Variants in TMEM175 observed in about 807,000 individuals in gnomAD.
TMEM175 encodes the protein endosomal/lysosomal proton channel TMEM175.
TMEM175 carries 36 observed loss-of-function variants against 36.5 expected under a neutral mutation model. That is an observed-to-expected ratio of 0.99 (90% CI 0.76 to 1.30). TMEM175 has a LOEUF of 1.30. Ranked by LOEUF, TMEM175 falls within the 50% of genes most tolerant of loss-of-function variation. The pLI is 0.00. For missense variants in TMEM175, 705 were observed against 692.8 expected (o/e 1.02, Z -0.20); for synonymous variants, 339 against 313.4 (o/e 1.08, Z -0.86).
chr4:939,347 G>A (rs1727158550), intron 1 of TMEM175, among the ~76,000 whole-genome samples: 1 of 152,026 alleles, frequency 6.6e-6, no homozygotes, highest in Non-Finnish European at 1.5e-5. Context: ...TTGGGAGGCT[G>A]AGGCGGGCAG....
chr4:957,725 T>C (rs546644996), intron 10 of TMEM175, 99 bp from the exon 11 acceptor site: 1 of 1,222,752 alleles, frequency 8.2e-7, no homozygotes, highest in Non-Finnish European at 1.2e-6. Flanking sequence ...TCTGAAAACG[T>C]GCCAGATCCA....
chr4:937,385 GA>G (rs1726915495), intron 1 of TMEM175, among the ~76,000 whole-genome samples: 1 of 152,038 alleles, frequency 6.6e-6, no homozygotes. Context: ...CCAACATGGT[GA>G]AACCTCATTT....
intron 1 of TMEM175, among the ~76,000 whole-genome samples, chr4:941,168 G>T (rs1727430181): frequency 6.6e-6 from 1 of 150,604 alleles, no homozygotes; most frequent in Admixed American, 6.6e-5. Context: ...ACGAGGTCAG[G>T]AGTTCAAGAC....
At chr4:942,636 CTT>C (rs879382397) in intron 1 of TMEM175, among the ~76,000 whole-genome samples, 2 of 137,688 alleles carry the variant, frequency 1.5e-5, no homozygotes, top group African/African-American at 5.3e-5. Context: ...CTTGAATTTT[CTT>C]TTTTTTTTTT....
At chr4:954,654 C>T (rs1488696067) in intron 8 of TMEM175, among the ~76,000 whole-genome samples, 2 of 152,074 alleles carry the variant, frequency 1.3e-5, no homozygotes, top group Non-Finnish European at 2.9e-5. Context: ...GTGTGTGTGC[C>T]CACAGTGAGT....
rs1157981582 is a variant in TMEM175, at chr4:953,340, T to TC, written c.613_614insC (p.Phe205SerfsTer47). 6.2e-7 allele frequency: 1 copy of TC among 1,612,448 alleles called. No homozygotes were observed. Among genetic ancestry groups the TC allele is most frequent in the Non-Finnish European group, 8.5e-7 (1 of 1,179,206 alleles). On this transcript the variant is annotated frameshift_variant, in exon 8 of 11. Transcript: ENST00000264771. LOFTEE classifies it high-confidence loss of function. ...CTTTGCAGCGGCCATCTTCTCTCTC[T>TC]TCTTTGTCCCCTTGGTGAGTGCTGG...
chr4:939,452 A>G (rs924840001), intron 1 of TMEM175, among the ~76,000 whole-genome samples: 1 of 151,594 alleles, frequency 6.6e-6, no homozygotes, highest in African/African-American at 2.4e-5. Context: ...GCAATGGCTC[A>G]CGCCTGTAAT....
intron 1 of TMEM175, among the ~76,000 whole-genome samples, chr4:947,341 C>T (rs1728311577): frequency 6.6e-6 from 1 of 152,102 alleles, no homozygotes; most frequent in Non-Finnish European, 1.5e-5. Context: ...CCCAGGCACG[C>T]ATGCACGGTC....
intron 1 of TMEM175, among the ~76,000 whole-genome samples, chr4:941,014 A>AATAATAAT (rs1727394498): frequency 1.1e-5 from 1 of 89,254 alleles, no homozygotes; most frequent in African/African-American, 3.6e-5. Flanking sequence ...TCAAAATAAT[A>AATAATAAT]ATAATAATAA....
At chr4:941,623 G>A (rs563364360) in intron 1 of TMEM175, among the ~76,000 whole-genome samples, 30 of 152,020 alleles carry the variant, frequency 2.0e-4, no homozygotes, top group Non-Finnish European at 3.4e-4. Flanking sequence ...ATTTTTAGTA[G>A]AGGTGGGGTT....
intron 7 of TMEM175, 71 bp from the exon 8 acceptor site, chr4:953,119 C>A: frequency 6.7e-7 from 1 of 1,493,260 alleles, no homozygotes; most frequent in Non-Finnish European, 9.0e-7. Context: ...GCCATGCAGC[C>A]CGGGGGTTGA....
rs757183819 is a variant in TMEM175 at position 950,412 on chromosome 4, G to A, written c.193-9G>A. 2 of 1,608,548 alleles carry A rather than the reference G, an allele frequency of 1.2e-6. No individual in the cohort carries two copies. Among genetic ancestry groups the A allele is most frequent in the Middle Eastern group, 3.3e-4 (2 of 6,042 alleles). ...CCTGGGCTCTGACAGCAGTGCTCTTGTATTCCAGCAGTTCGACAGAAGTGT... is the reference window on the plus strand; with the variant it reads ...CCTGGGCTCTGACAGCAGTGCTCTTATATTCCAGCAGTTCGACAGAAGTGT... On this transcript the variant is annotated splice_polypyrimidine_tract_variant and intron_variant, in intron 3 of 10. Transcript: ENST00000264771.
At position 948,426 on chromosome 4, in the gene TMEM175, C is replaced by T. The variant is rs183333093; in HGVS notation, c.192+272C>T. 12 of 1,512,388 alleles carry T rather than the reference C, an allele frequency of 7.9e-6. No homozygotes were observed. In the East Asian group the frequency reaches 3.1e-4, roughly 39 times the overall value. 93.7% of individuals were successfully genotyped at this position (1,512,388 alleles called of 1,614,324 possible). A position where few individuals can be genotyped will look rare whatever the true frequency, so the allele number is the denominator to read the frequency against. ...CCGAGTTCAGTGGACAAAGGCAGCA[C>T]CCTGGAAGTGAGCCAGAGGACAGGT... On this transcript the variant is annotated intron_variant, in intron 3 of 10. Transcript: ENST00000264771.
chr4:940,722 G>C (rs1577389561), intron 1 of TMEM175, among the ~76,000 whole-genome samples: 1 of 151,986 alleles, frequency 6.6e-6, no homozygotes, highest in East Asian at 1.9e-4. Context: ...ATAGGAGAAA[G>C]GGAGGCCAGA....
rs199582770 is a variant in TMEM175, at chr4:953,272, G to A, written c.545G>A (p.Arg182Gln). 8.9e-5 allele frequency: 143 copies of A among 1,614,096 alleles called. No homozygotes were observed. Among genetic ancestry groups the A allele is most frequent in the African/African-American group, 8.1e-4 (61 of 75,060 alleles). ...IQRSAHRALY[R>Q]RHVLGIVLQG... ...CGCTCTGCCCACAGGGCTCTGTACC[G>A]ACGACACGTCCTGGGCATCGTCCTC... The change falls in exon 8 of 11, where the codon CGA becomes CAA. Residue 182 changes from arginine (R) to glutamine (Q), a missense_variant. Transcript: ENST00000264771.
chr4:940,207 C>A (rs575110712), intron 1 of TMEM175, among the ~76,000 whole-genome samples: 1 of 151,736 alleles, frequency 6.6e-6, no homozygotes, highest in East Asian at 1.9e-4. Flanking sequence ...CCAGCACTTT[C>A]GGAGGCCAAG....
rs1210317015 is a variant in TMEM175, at chr4:958,649, T to C, written c.*153T>C. 1.5e-5 allele frequency: 10 copies of C among 654,714 alleles called. No homozygotes were observed. Among genetic ancestry groups the C allele is most frequent in the Non-Finnish European group, 2.2e-5 (9 of 400,254 alleles). The allele number at this position is 654,714 out of a possible 1,614,324, so 40.6% of individuals were successfully genotyped here. On this transcript the variant is annotated 3_prime_UTR_variant, in exon 11 of 11. Coordinates refer to ENST00000264771, the MANE Select transcript of TMEM175 (RefSeq NM_032326.4). ...GTGAAATATCATGCTCTTATTTCAG[T>C]CCTCAAATTGTTCTCCACTTTTTGC... is the stretch of plus-strand genomic sequence containing the variant.
chr4:954,570 G>A (rs1009104023), intron 8 of TMEM175, among the ~76,000 whole-genome samples: 2 of 152,170 alleles, frequency 1.3e-5, no homozygotes, highest in Non-Finnish European at 2.9e-5. Flanking sequence ...AGCCACTGTG[G>A]GCATTGCTGG....
Position 958,261 on chromosome 4 carries a change from CCT to C in TMEM175, c.1281_1282del (p.Ala429GlnfsTer120), listed in dbSNP as rs565504915. Reference sequence around the variant, plus strand: ...ATGTTCGCCAAGCTGGCGCTGTACCCCTGTGCCAGCCTGCTGGCCTTCGCCTC... The same window carrying C: ...ATGTTCGCCAAGCTGGCGCTGTACCCGTGCCAGCCTGCTGGCCTTCGCCTC... On this transcript the variant is annotated frameshift_variant, in exon 11 of 11. Transcript: ENST00000264771. LOFTEE classifies it low-confidence loss of function (END_TRUNC). The C allele has an allele frequency of 3.3e-4, 524 of 1,606,270 alleles. No homozygotes were observed. The highest frequency in any genetic ancestry group is 9.1e-4 in the African/African-American group (68 of 75,044).
Sources: gnomAD v4.1 joint callset for allele counts (sites outside exome capture counted in the v4.1 genomes callset) on GRCh38, gnomAD v4.1.1 for gene constraint, MANE v1.5 for transcripts, NCBI Gene and HGNC (gene_info 2026-07-23, HGNC 2026-07-21) for gene names.